The following NT5DC3 variants were observed in gnomAD, a reference collection of about 807,000 sequenced individuals.
NT5DC3 encodes 5'-nucleotidase domain containing 3.
NT5DC3 carries 42 observed loss-of-function variants against 67.8 expected under a neutral mutation model. The observed-to-expected ratio is 0.62, with a 90% confidence interval of 0.48 to 0.80. NT5DC3 has a LOEUF of 0.80. NT5DC3 is among the 30% of genes least tolerant of loss of function. The pLI, the probability that NT5DC3 is intolerant of heterozygous loss-of-function variation, is 0.00. For missense variants in NT5DC3, 570 were observed against 696.4 expected (o/e 0.82, Z 2.04); for synonymous variants, 237 against 255.6 (o/e 0.93, Z 0.69).
chr12:103,813,904 G>C (rs1279491958), intron 2 of NT5DC3, among the ~76,000 whole-genome samples: 3 of 152,212 alleles, frequency 2.0e-5, no homozygotes, highest in South Asian at 4.1e-4. Flanking sequence ...TTTGGGTTTA[G>C]AAGTTACTCA....
intron 9 of NT5DC3, 44 bp from the exon 10 acceptor site, chr12:103,788,963 G>A (rs1885918271): frequency 8.0e-7 from 1 of 1,248,750 alleles, no homozygotes; most frequent in African/African-American, 1.5e-5. Context: ...AGTAGTACAG[G>A]CTGTCTGCTC....
At chr12:103,840,115 T>G (rs1888315895) in intron 1 of NT5DC3, among the ~76,000 whole-genome samples, 1 of 152,220 alleles carries the variant, frequency 6.6e-6, no homozygotes, top group African/African-American at 2.4e-5. Flanking sequence ...CCAGGTCATT[T>G]AAACCTGAGT....
In NT5DC3 at chr12:103,841,215, C is replaced by T; in HGVS notation, c.-59G>A. 1.9e-6 allele frequency: 1 copy of T among 530,810 alleles called. No homozygotes were observed. The highest frequency in any genetic ancestry group is 3.3e-6 in the Non-Finnish European group (1 of 303,842). 32.9% of individuals were successfully genotyped at this position (530,810 alleles called of 1,614,324 possible). The stretch of plus-strand genomic sequence containing the variant: ...CGCTCTGCGACTGCTGCTGCCCGGC[C>T]CAAGATCTACCCGCGCTCTGCCCTG... On this transcript the variant is annotated 5_prime_UTR_variant, in exon 1 of 14. Coordinates refer to ENST00000392876, the MANE Select transcript of NT5DC3 (RefSeq NM_001031701.3).
At chr12:103,751,035 A>G in the NT5DC3 span, among the ~76,000 whole-genome samples, 7 of 152,332 alleles carry the variant, frequency 4.6e-5, no homozygotes, top group South Asian at 1.4e-3. Flanking sequence ...GGCATGGGCA[A>G]TAGGACATCT....
At chr12:103,834,264 A>T (rs1469573175) in intron 1 of NT5DC3, among the ~76,000 whole-genome samples, 1 of 152,184 alleles carries the variant, frequency 6.6e-6, no homozygotes, top group Non-Finnish European at 1.5e-5. Context: ...TAAAAATATA[A>T]AGAAGCTTTT....
At chr12:103,824,368 T>C (rs1887605523) in intron 1 of NT5DC3, among the ~76,000 whole-genome samples, 1 of 152,240 alleles carries the variant, frequency 6.6e-6, no homozygotes, top group Non-Finnish European at 1.5e-5. Flanking sequence ...CGAAACAAAA[T>C]GCCCAAGGTA....
intron 1 of NT5DC3, among the ~76,000 whole-genome samples, chr12:103,834,515 A>G (rs1888063944): frequency 6.6e-6 from 1 of 152,324 alleles, no homozygotes; most frequent in Admixed American, 6.5e-5. Flanking sequence ...GCTGGAAGAA[A>G]AAAAGGAGGG....
intron 2 of NT5DC3, among the ~76,000 whole-genome samples, chr12:103,811,910 G>A (rs1048861337): frequency 3.0e-4 from 45 of 151,946 alleles, no homozygotes; most frequent in African/African-American, 1.0e-3. Flanking sequence ...ACATGGACAC[G>A]GAGTGCGAGC....
chr12:103,805,613 A>G (rs1314502945), intron 4 of NT5DC3, among the ~76,000 whole-genome samples: 1 of 152,138 alleles, frequency 6.6e-6, no homozygotes, highest in East Asian at 1.9e-4. Flanking sequence ...TGGAAGCCTG[A>G]GGCAGGCAGA....
chr12:103,781,321 T>C (rs1278313058), intron 12 of NT5DC3, among the ~76,000 whole-genome samples: 1 of 152,194 alleles, frequency 6.6e-6, no homozygotes, highest in Non-Finnish European at 1.5e-5. Context: ...ATCTGCCCAG[T>C]TCAACAGCTT....
chr12:103,758,350 G>A, the NT5DC3 span: 1 of 1,598,522 alleles, frequency 6.3e-7, no homozygotes, highest in Non-Finnish European at 8.5e-7. Flanking sequence ...CCACAACAAT[G>A]CTGTGTCACA....
the NT5DC3 span, chr12:103,755,053 A>C: frequency 2.1e-6 from 1 of 477,436 alleles, no homozygotes; most frequent in African/African-American, 1.9e-5. Flanking sequence ...TCTCAAGAGC[A>C]GAGAGAAGAG....
chr12:103,800,590 G>A (rs532812967), intron 4 of NT5DC3, among the ~76,000 whole-genome samples: 1 of 152,370 alleles, frequency 6.6e-6, no homozygotes, highest in African/African-American at 2.4e-5. Context: ...CGGCTCAGAA[G>A]ACGCAGTGAA....
intron 9 of NT5DC3, among the ~76,000 whole-genome samples, chr12:103,790,171 C>T (rs1352506687): frequency 1.3e-5 from 2 of 152,072 alleles, no homozygotes; most frequent in Admixed American, 6.5e-5. Context: ...ATGGCACAAT[C>T]GCGGCTCACT....
intron 4 of NT5DC3, among the ~76,000 whole-genome samples, chr12:103,805,054 T>G (rs1021622577): frequency 1.1e-5 from 1 of 90,534 alleles, no homozygotes; most frequent in Non-Finnish European, 2.3e-5. Context: ...TCCATCTCAA[T>G]AACAAAAAAA....
Position 103,775,404 on chromosome 12 carries a change from A to G in NT5DC3, c.*2425T>C, listed in dbSNP as rs532218642. 6.6e-6 allele frequency: 1 copy of G among 152,376 alleles called. No homozygotes were observed. The highest frequency in any genetic ancestry group is 2.4e-5 in the African/African-American group (1 of 41,586). The allele number at this position is 152,376 out of a possible 1,614,324, so 9.4% of individuals were successfully genotyped here. A position where few individuals can be genotyped will look rare whatever the true frequency, so the allele number is the denominator to read the frequency against. On this transcript the variant is annotated 3_prime_UTR_variant, in exon 14 of 14. Transcript: ENST00000392876. The stretch of plus-strand genomic sequence containing the variant: ...GTTCTACTTCATTCTTGAGTAAACA[A>G]AACACCCTATAACTGGCACCTGGTA...
chr12:103,770,043 C>T (rs17034484), downstream of NT5DC3, among the ~76,000 whole-genome samples: 2,259 of 152,334 alleles, frequency 0.015, 51 homozygotes, highest in African/African-American at 0.052. Flanking sequence ...TCTAAATCTG[C>T]AGTTCTTGAC....
At chr12:103,823,337 T>C (rs752481158) in intron 1 of NT5DC3, among the ~76,000 whole-genome samples, 1 of 151,996 alleles carries the variant, frequency 6.6e-6, no homozygotes, top group Non-Finnish European at 1.5e-5. Flanking sequence ...TAGTGGATAA[T>C]AATTATGTGC....
At chr12:103,788,612 T>TA (rs1885899811) in intron 10 of NT5DC3, among the ~76,000 whole-genome samples, 2 of 152,216 alleles carry the variant, frequency 1.3e-5, no homozygotes, top group Admixed American at 6.5e-5. Flanking sequence ...AGTCATGCCT[T>TA]AAATTTTGTT....
Sources: allele counts gnomAD v4.1 joint callset (sites outside exome capture counted in the v4.1 genomes callset), GRCh38; gene constraint gnomAD v4.1.1; transcripts MANE v1.5; gene names NCBI Gene and HGNC (gene_info 2026-07-23, HGNC 2026-07-21).